SELENOS: variants seen among roughly 807,000 people sequenced by gnomAD.
The protein encoded by SELENOS is VCP interacting membrane selenoprotein.
A neutral mutation model predicts 30.2 loss-of-function variants in SELENOS; 37 were observed. The ratio of observed to expected loss-of-function variants is 1.23; its 90% CI spans 0.94 to 1.61. The LOEUF is 1.61. Ranked by LOEUF, SELENOS falls within the 40% of genes most tolerant of loss-of-function variation. SELENOS has a pLI of 0.00. For synonymous variants in SELENOS, 119 were observed against 91.6 expected (o/e 1.30, Z -1.71); for missense variants, 289 against 231.8 (o/e 1.25, Z -1.60).
rs2039309977 is a variant in SELENOS at position 101,275,176 on chromosome 15, C to A, written c.318+79G>T. On this transcript the variant is annotated intron_variant, in intron 3 of 5. Coordinates refer to ENST00000526049, the MANE Select transcript of SELENOS (RefSeq NM_018445.6). ...GGACCTGGTCCTAGAAGCTTATAGA[C>A]AACACAGACACAGGCATCGTTAGCC... 4 of 1,272,634 alleles carry A rather than the reference C, an allele frequency of 3.1e-6. No individual in the cohort carries two copies. In the South Asian group the frequency reaches 4.7e-5, roughly 15 times the overall value. The allele number at this position is 1,272,634 out of a possible 1,614,324, so 78.8% of individuals were successfully genotyped here. A position where few individuals can be genotyped will look rare whatever the true frequency, so the allele number is the denominator to read the frequency against.
intron 5 of SELENOS, 92 bp downstream of exon 5, chr15:101,274,328 T>C (rs573503006): frequency 1.9e-4 from 266 of 1,408,370 alleles, no homozygotes; most frequent in East Asian, 7.5e-4. Flanking sequence ...TCTTAATTTA[T>C]GGACAAAGAA....
In SELENOS at chr15:101,274,573, G is replaced by A. The variant is rs377528213; in HGVS notation, c.408+19C>T. The A allele has an allele frequency of 4.8e-5, 77 of 1,612,524 alleles. No homozygotes were observed. Among genetic ancestry groups the A allele is most frequent in the Non-Finnish European group, 6.4e-5 (75 of 1,179,126 alleles). On this transcript the variant is annotated intron_variant, in intron 4 of 5. Transcript: ENST00000526049. ...AATCTTCATCTACCGCATGCCAGCC[G>A]GCCGAGGTCTCCAGTCACCTGGGGC...
In SELENOS at chr15:101,277,437, G is replaced by T. The variant is rs764487480; in HGVS notation, c.-20C>A. 1 of 1,440,136 alleles carries T rather than the reference G, an allele frequency of 6.9e-7. No individual in the cohort carries two copies. The highest frequency in any genetic ancestry group is 9.0e-7 in the Non-Finnish European group (1 of 1,105,116). The allele number at this position is 1,440,136 out of a possible 1,614,324, so 89.2% of individuals were successfully genotyped here. A position where few individuals can be genotyped will look rare whatever the true frequency, so the allele number is the denominator to read the frequency against. ...TTCCATGACCGCCGCCGCCGCCGCCGCCCAGCCCTGCCGCCGCGCCTCCAG... is the reference window on the plus strand; with the variant it reads ...TTCCATGACCGCCGCCGCCGCCGCCTCCCAGCCCTGCCGCCGCGCCTCCAG... On this transcript the variant is annotated 5_prime_UTR_variant, in exon 1 of 6. Coordinates refer to ENST00000526049, the MANE Select transcript of SELENOS (RefSeq NM_018445.6).
intron 5 of SELENOS, among the ~76,000 whole-genome samples, chr15:101,273,531 G>A (rs960568291): frequency 5.3e-5 from 8 of 152,186 alleles, no homozygotes; most frequent in Non-Finnish European, 8.8e-5. Flanking sequence ...GGCCGTGCAG[G>A]CAAGCACACC....
intron 3 of SELENOS, 171 bp from the exon 4 acceptor site, chr15:101,274,852 G>C: frequency 4.1e-6 from 3 of 725,148 alleles, no homozygotes; most frequent in Admixed American, 3.0e-5. Context: ...AACTCACATA[G>C]AGCAGCTTTG....
chr15:101,274,562 G>A (rs767934242), intron 4 of SELENOS, 30 bp downstream of exon 4: 17 of 1,611,008 alleles, frequency 1.1e-5, no homozygotes, highest in Admixed American at 6.7e-5. Flanking sequence ...TTCATCTACC[G>A]CATGCCAGCC....
chr15:101,274,088 A>G, intron 5 of SELENOS: 1 of 376,256 alleles, frequency 2.7e-6, no homozygotes, highest in Non-Finnish European at 5.0e-6. Context: ...TATTTGCAAG[A>G]AACAAGGTGG....
At chr15:101,272,924 C>G in intron 5 of SELENOS, 68 bp from the exon 6 acceptor site, 1 of 1,398,054 alleles carries the variant, frequency 7.2e-7, no homozygotes, top group East Asian at 2.5e-5. Context: ...ATTGTATATC[C>G]ACAATAAAAT....
chr15:101,276,755 T>G (rs1045541555), intron 1 of SELENOS, 80 bp from the exon 2 acceptor site: 1 of 1,513,998 alleles, frequency 6.6e-7, no homozygotes, highest in African/African-American at 1.4e-5. Context: ...AAACACAAAG[T>G]GTAACTCCTG....
chr15:101,275,018 C>T, intron 3 of SELENOS: 2 of 566,420 alleles, frequency 3.5e-6, no homozygotes, highest in South Asian at 4.7e-5. Context: ...CAGCCTGTCC[C>T]TCCTTTTGTG....
chr15:101,273,805 G>A lies in SELENOS; in HGVS notation c.484+615C>T, dbSNP rs755014311. Among the ~76,000 whole-genome samples the A allele has an allele frequency of 1.8e-3, 270 of 152,340 alleles. 1 individual carries two copies. The highest frequency in any genetic ancestry group is 1.8e-3 in the Non-Finnish European group (123 of 68,034). ...CAAAGACACCATCAGGGCCTCTGCG[G>A]TGCCCCTCTCCTCCTATGGAGGATA... is the stretch of plus-strand genomic sequence containing the variant. On this transcript the variant is annotated intron_variant, in intron 5 of 5. Coordinates refer to ENST00000526049, the MANE Select transcript of SELENOS (RefSeq NM_018445.6).
intron 5 of SELENOS, chr15:101,274,116 A>C: frequency 4.5e-6 from 2 of 443,400 alleles, no homozygotes; most frequent in East Asian, 4.1e-5. Context: ...CAGAAAGACC[A>C]AAACCACTGT....
In SELENOS at chr15:101,275,340, C is replaced by A; in HGVS notation, c.233G>T (p.Arg78Leu). The change falls in exon 3 of 6, where the codon CGA (arginine) becomes CTA (leucine). Residue 78 changes from arginine to leucine, a missense_variant. Physicochemically the swap from Arg to Leu is moderately radical, Grantham distance 102. Transcript: ENST00000526049. The part of the protein sequence containing the change: ...AAVEPDVVVK[R>L]QEALAAARLK... ...TCGAGCAGCTGCTAAAGCTTCTTGTCGTTTAACAACAACATCAGGTTCTAA... is the reference window on the plus strand; with the variant it reads ...TCGAGCAGCTGCTAAAGCTTCTTGTAGTTTAACAACAACATCAGGTTCTAA... The A allele has an allele frequency of 6.3e-7, 1 of 1,576,884 alleles. No homozygotes were observed. The highest frequency in any genetic ancestry group is 8.6e-7 in the Non-Finnish European group (1 of 1,160,692).
At chr15:101,271,011 T>C (rs2039261962), downstream of SELENOS, 1 of 152,174 alleles carries the variant, frequency 6.6e-6, no homozygotes, top group Non-Finnish European at 1.5e-5. Flanking sequence ...TCTAATAGTG[T>C]ACTTAAACAT....
rs766864473 is a variant in SELENOS at position 101,272,660 on chromosome 15, A to C, written c.*111T>G. 2.6e-6 allele frequency: 3 copies of C among 1,162,316 alleles called. No individual in the cohort carries two copies. The highest frequency in any genetic ancestry group is 1.4e-5 in the South Asian group (1 of 72,358). 72.0% of individuals were successfully genotyped at this position (1,162,316 alleles called of 1,614,324 possible). A position where few individuals can be genotyped will look rare whatever the true frequency, so the allele number is the denominator to read the frequency against. The stretch of plus-strand genomic sequence containing the variant: ...ATATGCAGGTGTAGTTAGGAACAGA[A>C]ATCAACCCCACCTCCCCTTGGCTAG... On this transcript the variant is annotated 3_prime_UTR_variant, in exon 6 of 6. Coordinates refer to ENST00000526049, the MANE Select transcript of SELENOS (RefSeq NM_018445.6).
chr15:101,276,389 C>G, intron 2 of SELENOS, 152 bp downstream of exon 2: 1 of 1,052,860 alleles, frequency 9.5e-7, no homozygotes, highest in Non-Finnish European at 1.3e-6. Context: ...GCTGGGACTA[C>G]AGGTGCGTGC....
intron 3 of SELENOS, 22 bp from the exon 4 acceptor site, chr15:101,274,703 C>A: frequency 6.3e-7 from 1 of 1,598,852 alleles, no homozygotes; most frequent in South Asian, 1.1e-5. Context: ...TCACATTTTA[C>A]AGAAAGAATT....
chr15:101,276,919 AG>A, intron 1 of SELENOS: 2 of 541,104 alleles, frequency 3.7e-6, no homozygotes, highest in Non-Finnish European at 6.6e-6. Flanking sequence ...TGGAGGGCAC[AG>A]CAACTGGGTT....
rs141556491 is a variant in SELENOS at position 101,276,744 on chromosome 15, C to T, written c.77-69G>A. 4 of 1,548,356 alleles carry T rather than the reference C, an allele frequency of 2.6e-6. No homozygotes were observed. The East Asian group carries it at 9.0e-5, about 35-fold the overall frequency. On this transcript the variant is annotated intron_variant, in intron 1 of 5. Coordinates refer to ENST00000526049, the MANE Select transcript of SELENOS (RefSeq NM_018445.6). ...TAGTTGACCTTTCCATAAGACTCAA[C>T]AAACACAAAGTGTAACTCCTGCCCT... is the stretch of plus-strand genomic sequence containing the variant.
Sources: allele counts gnomAD v4.1 joint callset (sites outside exome capture counted in the v4.1 genomes callset), GRCh38; gene constraint gnomAD v4.1.1; transcripts MANE v1.5; gene names NCBI Gene and HGNC (gene_info 2026-07-23, HGNC 2026-07-21).